The following NOL11 variants were observed in gnomAD, a reference collection of about 807,000 sequenced individuals.
The protein encoded by NOL11 is nucleolar protein 11.
NOL11 carries 42 observed loss-of-function variants against 93.0 expected under a neutral mutation model. That is an observed-to-expected ratio of 0.45 (90% CI 0.35 to 0.58). NOL11 has a LOEUF of 0.58. NOL11 is among the 20% of genes least tolerant of loss of function. NOL11 has a pLI of 0.00. For synonymous variants in NOL11, 296 were observed against 293.7 expected (o/e 1.01, Z -0.08); for missense variants, 775 against 841.8 (o/e 0.92, Z 0.98).
At chr17:67,722,501 T>C (rs1204087375) in intron 4 of NOL11, 79 bp from the exon 5 acceptor site, 10 of 1,495,532 alleles carry the variant, frequency 6.7e-6, no homozygotes, top group Non-Finnish European at 8.9e-6. Flanking sequence ...ATGAAAACTT[T>C]GATTAAATTT....
intron 7 of NOL11, among the ~76,000 whole-genome samples, chr17:67,729,926 C>G (rs780617960): frequency 8.9e-4 from 135 of 152,078 alleles, no homozygotes; most frequent in Admixed American, 2.1e-3. Context: ...TAGACTTAGC[C>G]TAATTTTTGT....
At position 67,736,713 on chromosome 17, in the gene NOL11, T is replaced by C. The variant is rs761273776; in HGVS notation, c.1102T>C (p.Cys368Arg). Residue 368 changes from cysteine to arginine, a missense_variant, in exon 10 of 18, where the codon TGT (cysteine) becomes CGT (arginine). By Grantham distance (180) the Cys-to-Arg change is radical. This residue lies in a region of NOL11 where 416 missense variants were observed against 525.2 expected (regional missense o/e 0.79). Transcript: ENST00000253247. ...TGTAAACTGGGAGACACCTCAAGGA[T>C]GTGGACTTGGGTTCCAGAACTCAGA... ...HFVNWETPQGCGLGFQNSEQS... is the reference protein window; with the variant it reads ...HFVNWETPQGRGLGFQNSEQS... The C allele has an allele frequency of 1.4e-5, 22 of 1,613,554 alleles. No individual in the cohort carries two copies. The South Asian group carries it at 2.4e-4, about 18-fold the overall frequency.
chr17:67,718,814 G>A (rs2043195123), intron 1 of NOL11, among the ~76,000 whole-genome samples: 1 of 152,216 alleles, frequency 6.6e-6, no homozygotes, highest in Admixed American at 6.5e-5. Context: ...AGAACAGGTT[G>A]CTAACAGCTC....
intron 10 of NOL11, 130 bp from the exon 11 acceptor site, chr17:67,736,941 A>G (rs762604911): frequency 1.3e-6 from 1 of 744,750 alleles, no homozygotes; most frequent in Admixed American, 2.8e-5. Context: ...TCTATTAGTT[A>G]TATTTACTTT....
chr17:67,738,440 A>G, intron 14 of NOL11, 85 bp downstream of exon 14: 1 of 837,862 alleles, frequency 1.2e-6, no homozygotes, highest in Non-Finnish European at 1.9e-6. Context: ...TAACTCAATA[A>G]TTTAAGGTTT....
chr17:67,740,480 A>G (rs1327577166), intron 16 of NOL11, among the ~76,000 whole-genome samples: 1 of 150,052 alleles, frequency 6.7e-6, no homozygotes, highest in African/African-American at 2.5e-5. Context: ...GTGGTGGCAT[A>G]TGCCTGTAAT....
At chr17:67,727,486 C>T (rs572986391) in intron 7 of NOL11, among the ~76,000 whole-genome samples, 3 of 152,192 alleles carry the variant, frequency 2.0e-5, no homozygotes, top group South Asian at 4.2e-4. Context: ...GGAGAAACCC[C>T]GTCTCTATTA....
chr17:67,743,897 C>G lies in NOL11; in HGVS notation c.*38C>G, dbSNP rs1455817337. The G allele has an allele frequency of 9.6e-7, 1 of 1,045,234 alleles. No homozygotes were observed. The highest frequency in any genetic ancestry group is 1.5e-5 in the South Asian group (1 of 67,312). The allele number at this position is 1,045,234 out of a possible 1,614,324, so 64.7% of individuals were successfully genotyped here. On this transcript the variant is annotated 3_prime_UTR_variant, in exon 18 of 18. Transcript: ENST00000253247. ...TCCTTCATAGACATTTTATAAAGCTCTTTTATGTGAACTCTTGCTTCATCC... is the reference window on the plus strand; with the variant it reads ...TCCTTCATAGACATTTTATAAAGCTGTTTTATGTGAACTCTTGCTTCATCC...
intron 7 of NOL11, among the ~76,000 whole-genome samples, chr17:67,731,758 A>G (rs1262050953): frequency 6.6e-6 from 1 of 152,204 alleles, no homozygotes; most frequent in Non-Finnish European, 1.5e-5. Context: ...GTGGCTCTCC[A>G]GTTGTCCCAG....
chr17:67,721,950 T>C (rs1484317573), intron 4 of NOL11, among the ~76,000 whole-genome samples: 2 of 152,242 alleles, frequency 1.3e-5, no homozygotes. Flanking sequence ...GGACACTTCA[T>C]GATTCCACAT....
chr17:67,721,705 C>A (rs78105265), intron 4 of NOL11, among the ~76,000 whole-genome samples, 179 bp downstream of exon 4: 2 of 152,168 alleles, frequency 1.3e-5, no homozygotes, highest in South Asian at 2.1e-4. Context: ...ATTGAAGAAA[C>A]CATAGAGTCA....
At position 67,737,547 on chromosome 17, in the gene NOL11, T is replaced by A; in HGVS notation, c.1258T>A (p.Phe420Ile). The A allele has an allele frequency of 6.2e-7, 1 of 1,607,956 alleles. No homozygotes were observed. The highest frequency in any genetic ancestry group is 8.5e-7 in the Non-Finnish European group (1 of 1,178,430). Residue 420 changes from phenylalanine (F) to isoleucine (I), a missense_variant, in exon 12 of 18, where the codon TTT becomes ATT. Physicochemically the swap from Phe to Ile is conservative, Grantham distance 21 (BLOSUM62 0). Around this residue, in one of 2 missense-constraint regions of NOL11, gnomAD observed 416 missense variants for 525.2 expected, o/e 0.79. Coordinates refer to ENST00000253247, the MANE Select transcript of NOL11 (RefSeq NM_015462.5). ...EKHIEVEVRKFLALKQTPDFH... is the reference protein window; with the variant it reads ...EKHIEVEVRKILALKQTPDFH... Reference sequence around the variant, plus strand: ...ACACATTGAAGTAGAAGTACGGAAATTTTTGGCTCTGAAGCAGACACCTGA... The same window carrying A: ...ACACATTGAAGTAGAAGTACGGAAAATTTTGGCTCTGAAGCAGACACCTGA...
At chr17:67,719,815 A>G (rs1261447644) in intron 2 of NOL11, 28 bp downstream of exon 2, 14 of 1,487,230 alleles carry the variant, frequency 9.4e-6, no homozygotes, top group East Asian at 2.4e-5. Flanking sequence ...TGTATAATAT[A>G]TACAATATAA....
chr17:67,725,161 C>A (rs1263285648), intron 6 of NOL11, among the ~76,000 whole-genome samples: 8 of 152,172 alleles, frequency 5.3e-5, no homozygotes, highest in African/African-American at 1.9e-4. Flanking sequence ...GGCCCAGGTT[C>A]TTTGAGTGTA....
intron 16 of NOL11, chr17:67,740,671 C>T (rs2055248016): frequency 6.5e-6 from 1 of 154,244 alleles, no homozygotes; most frequent in Non-Finnish European, 1.5e-5. Context: ...TGTATTTACC[C>T]TCCTACAAAG....
intron 7 of NOL11, among the ~76,000 whole-genome samples, chr17:67,730,764 A>T (rs1191304720): frequency 6.6e-6 from 1 of 152,236 alleles, no homozygotes; most frequent in South Asian, 2.1e-4. Context: ...CATCACCTCA[A>T]GCATTTGTCA....
intron 6 of NOL11, 139 bp downstream of exon 6, chr17:67,724,332 CTTTTTTTT>C (rs34287872): frequency 8.0e-6 from 2 of 250,278 alleles, no homozygotes; most frequent in Non-Finnish European, 7.0e-6. Flanking sequence ...CATGCCTTCA[CTTTTTTTT>C]TTTTTTTTTT....
At chr17:67,728,498 T>C (rs1039448613) in intron 7 of NOL11, among the ~76,000 whole-genome samples, 1 of 152,176 alleles carries the variant, frequency 6.6e-6, no homozygotes, top group Admixed American at 6.5e-5. Flanking sequence ...TCCTGGCTCT[T>C]GACCACTTCA....
At chr17:67,743,320 T>TGAGCCTCTACGAAA in intron 16 of NOL11, 159 bp from the exon 17 acceptor site, 1 of 445,008 alleles carries the variant, frequency 2.2e-6, no homozygotes, top group Non-Finnish European at 4.0e-6. Context: ...ATGAGCCTTT[T>TGAGCCTCTACGAAA]TATATTTCGT....
Sources: allele counts gnomAD v4.1 joint callset (sites outside exome capture counted in the v4.1 genomes callset), GRCh38; gene constraint gnomAD v4.1.1; regional missense constraint gnomAD v4.1.1; transcripts MANE v1.5; gene names NCBI Gene and HGNC (gene_info 2026-07-23, HGNC 2026-07-21).